SHANK2: variants seen among roughly 807,000 people sequenced by gnomAD.
The protein encoded by SHANK2 is SH3 and multiple ankyrin repeat domains protein 2.
SHANK2 carries 43 observed loss-of-function variants against 133.7 expected under a neutral mutation model. The observed-to-expected ratio is 0.32, with a 90% CI of 0.25 to 0.41. The LOEUF is 0.41. SHANK2 is among the 10% of genes least tolerant of loss of function. The pLI, the probability that SHANK2 is intolerant of heterozygous loss-of-function variation, is 1.00. For missense variants in SHANK2, 1,994 were observed against 2,235.8 expected (o/e 0.89, Z 2.18); for synonymous variants, 1,017 against 952.8 (o/e 1.07, Z -1.24).
In SHANK2 at chr11:71,114,616, G is replaced by A. The variant is rs928459260; in HGVS notation, c.412-1252C>T. ...TGCACAGAGTTTGGGGAGAAAGTGC[G>A]CTGGTCAGAAGGGCATCCATTCATT... On this transcript the variant is annotated intron_variant, in intron 4 of 25. Coordinates refer to ENST00000601538, the MANE Select transcript of SHANK2 (RefSeq NM_012309.5). 3.3e-5 allele frequency among the ~76,000 whole-genome samples: 5 copies of A among 152,172 alleles called. No individual in the cohort carries two copies. The South Asian group carries it at 6.2e-4, about 19-fold the overall frequency.
At chr11:70,502,751 C>A (rs782028768) in intron 18 of SHANK2, 45 bp downstream of exon 18, 18 of 1,319,568 alleles carry the variant, frequency 1.4e-5, no homozygotes, top group Admixed American at 1.0e-4. Context: ...ACCCCCCCCC[C>A]CCAGTAGGGC....
In SHANK2 at chr11:71,094,742, A is replaced by G. The variant is rs943281467; in HGVS notation, c.593-54T>C. 5.2e-6 allele frequency: 8 copies of G among 1,528,164 alleles called. No homozygotes were observed. In the African/African-American group the frequency reaches 1.1e-4, roughly 21 times the overall value. 94.7% of individuals were successfully genotyped at this position (1,528,164 alleles called of 1,614,324 possible). On this transcript the variant is annotated intron_variant, in intron 6 of 25. Coordinates refer to ENST00000601538, the MANE Select transcript of SHANK2 (RefSeq NM_012309.5). Reference sequence around the variant, plus strand: ...AACCAACATTTGTCACACTGCTCACAAAGCCATATTCAGATGCCCAAAACT... The same window carrying G: ...AACCAACATTTGTCACACTGCTCACGAAGCCATATTCAGATGCCCAAAACT...
intron 5 of SHANK2, among the ~76,000 whole-genome samples, 158 bp from the exon 6 acceptor site, chr11:71,110,207 GGC>G (rs2135219860): frequency 6.6e-6 from 1 of 152,312 alleles, no homozygotes; most frequent in African/African-American, 2.4e-5. Flanking sequence ...GTGAGGCCGA[GGC>G]GGGCAGATCA....
chr11:70,943,125 G>A (rs562302965), intron 10 of SHANK2: 23 of 455,868 alleles, frequency 5.0e-5, no homozygotes, highest in Middle Eastern at 6.9e-4. Flanking sequence ...AGGTGGTGGC[G>A]ATGGAGCAAG....
intron 14 of SHANK2, among the ~76,000 whole-genome samples, chr11:70,766,105 T>C (rs868995930): frequency 9.8e-5 from 15 of 152,288 alleles, no homozygotes; most frequent in South Asian, 4.2e-4. Context: ...GAGTGGACAA[T>C]GTGCATGTCC....
chr11:70,694,699 G>C (rs1352743793), intron 15 of SHANK2, among the ~76,000 whole-genome samples: 2 of 152,150 alleles, frequency 1.3e-5, no homozygotes, highest in African/African-American at 4.8e-5. Flanking sequence ...TGCTCCATTG[G>C]AGAAGCTGGC....
intron 11 of SHANK2, among the ~76,000 whole-genome samples, chr11:70,833,354 A>G (rs1367016161): frequency 6.6e-6 from 1 of 152,208 alleles, no homozygotes; most frequent in Non-Finnish European, 1.5e-5. Context: ...CATCTGTCAG[A>G]GTCTTCTGCC....
intron 2 of SHANK2, among the ~76,000 whole-genome samples, chr11:71,219,865 T>G (rs1268824972): frequency 6.6e-6 from 1 of 151,566 alleles, no homozygotes; most frequent in East Asian, 1.9e-4. Flanking sequence ...ACCATTGCAC[T>G]CCAGCCTGGG....
chr11:70,681,367 C>T (rs1309700848), intron 15 of SHANK2, among the ~76,000 whole-genome samples: 1 of 152,174 alleles, frequency 6.6e-6, no homozygotes, highest in East Asian at 1.9e-4. Context: ...GCCAAATTTC[C>T]GCCAGCCTCA....
intron 15 of SHANK2, among the ~76,000 whole-genome samples, chr11:70,666,367 C>G (rs1027956454): frequency 1.3e-5 from 2 of 152,172 alleles, no homozygotes; most frequent in Non-Finnish European, 2.9e-5. Context: ...TTGGCAGCAC[C>G]CCCCATCCCC....
chr11:71,195,286 G>A (rs1373149950), intron 2 of SHANK2, among the ~76,000 whole-genome samples: 7 of 152,162 alleles, frequency 4.6e-5, no homozygotes, highest in Non-Finnish European at 1.0e-4. Context: ...CAGCTACTCG[G>A]GAGGCTAAGG....
intron 11 of SHANK2, among the ~76,000 whole-genome samples, chr11:70,889,938 G>A (rs1382053850): frequency 6.6e-6 from 1 of 152,210 alleles, no homozygotes; most frequent in Non-Finnish European, 1.5e-5. Flanking sequence ...AGCTGCAACA[G>A]CCAGAGAAGC....
chr11:70,540,374 G>A (rs1462180316), intron 17 of SHANK2, among the ~76,000 whole-genome samples: 1 of 151,600 alleles, frequency 6.6e-6, no homozygotes, highest in Non-Finnish European at 1.5e-5. Flanking sequence ...GCAGGCTGGG[G>A]CCCCTCCCTC....
In SHANK2 at chr11:70,485,545, G is replaced by A. The variant is rs1057228974; in HGVS notation, c.4748C>T (p.Pro1583Leu). The change falls in exon 25 of 26, where the codon CCG becomes CTG. Residue 1583 changes from proline (P) to leucine (L), a missense_variant. Pro to Leu is a moderately conservative substitution (Grantham distance 98). This residue lies in a region of SHANK2 where 797 missense variants were observed against 907.4 expected (regional missense o/e 0.88). Coordinates refer to ENST00000601538, the MANE Select transcript of SHANK2 (RefSeq NM_012309.5). This position sits in a 1 kb window ranked among gnomAD's most constrained non-coding sequence, Gnocchi z 5.8. ...AGGCTGGGCACTGCCCGGCGGGGGC[G>A]GGGGAGCGGGCGGGGGGATAACAAA... ...DSFVIPPPAPPPPPGSAQPGM... is the reference protein window; with the variant it reads ...DSFVIPPPAPLPPPGSAQPGM... 9 of 1,612,788 alleles carry A rather than the reference G, an allele frequency of 5.6e-6. No individual in the cohort carries two copies. The highest frequency in any genetic ancestry group is 2.7e-5 in the African/African-American group (2 of 74,938).
At chr11:71,228,180 T>C (rs1265674769) in intron 1 of SHANK2, among the ~76,000 whole-genome samples, 3 of 152,176 alleles carry the variant, frequency 2.0e-5, no homozygotes, top group Non-Finnish European at 4.4e-5. Flanking sequence ...ATTCAAGAAA[T>C]ACAAACTACT....
chr11:71,227,899 T>A, intron 1 of SHANK2, among the ~76,000 whole-genome samples: 1 of 149,380 alleles, frequency 6.7e-6, no homozygotes. Flanking sequence ...AGGAAGAAAA[T>A]AATAAACATA....
chr11:70,650,605 A>C (rs540958755), intron 17 of SHANK2, among the ~76,000 whole-genome samples: 1 of 152,244 alleles, frequency 6.6e-6, no homozygotes, highest in East Asian at 1.9e-4. Flanking sequence ...CCAGGCCCCC[A>C]CTAGACCAGC....
chr11:70,524,357 G>A (rs1554971730), intron 17 of SHANK2, among the ~76,000 whole-genome samples: 2 of 152,250 alleles, frequency 1.3e-5, no homozygotes, highest in African/African-American at 2.4e-5. Flanking sequence ...CTGGAGAAAG[G>A]TATGGACTAT....
intron 17 of SHANK2, among the ~76,000 whole-genome samples, chr11:70,573,331 G>GCTGTGATGTGAGCTGGGTGGTCACT (rs2060072693): frequency 9.7e-6 from 1 of 103,106 alleles, no homozygotes; most frequent in Non-Finnish European, 2.0e-5. Flanking sequence ...GGGGGGGGGG[G>GCTGTGATGTGAGCTGGGTGGTCACT]CGGGGGCAGG....
Sources: allele counts gnomAD v4.1 joint callset (sites outside exome capture counted in the v4.1 genomes callset), GRCh38; gene constraint gnomAD v4.1.1; regional missense constraint gnomAD v4.1.1; non-coding constraint Gnocchi (gnomAD v3.1); transcripts MANE v1.5; gene names NCBI Gene and HGNC (gene_info 2026-07-23, HGNC 2026-07-21).